PCDHGB5: variants seen among roughly 807,000 people sequenced by gnomAD.
PCDHGB5 encodes the protein protocadherin gamma subfamily B, 5, also known as protocadherin gamma-B5.
In PCDHGB5, 48 loss-of-function variants were observed where a neutral mutation model predicts 62.9. The observed-to-expected ratio is 0.76, with a 90% CI of 0.61 to 0.97. The LOEUF is 0.97. Among genes scored for constraint, PCDHGB5 ranks in the 50% least tolerant of loss-of-function variants. The probability of loss-of-function intolerance (pLI) is 0.00; values close to 1 mark genes in which losing one functional copy is unlikely to be tolerated. For synonymous variants in PCDHGB5, 474 were observed against 511.2 expected (o/e 0.93, Z 0.98); for missense variants, 1,118 against 1,198.6 (o/e 0.93, Z 0.99).
chr5:141,501,290 T>TACACATACACAC (rs1224133816), intron 2 of PCDHGB5, among the ~76,000 whole-genome samples: 9 of 136,158 alleles, frequency 6.6e-5, no homozygotes, highest in Admixed American at 1.6e-4. Context: ...TATTCCCTTA[T>TACACATACACAC]ACACACACAC....
At chr5:141,470,574 CA>C (rs1369567985) in intron 1 of PCDHGB5, among the ~76,000 whole-genome samples, 1 of 152,188 alleles carries the variant, frequency 6.6e-6, no homozygotes, top group Non-Finnish European at 1.5e-5. Flanking sequence ...CAAGCAGGAT[CA>C]ACTTCATAGG....
At chr5:141,483,772 G>C (rs2099586910) in intron 1 of PCDHGB5, among the ~76,000 whole-genome samples, 1 of 152,140 alleles carries the variant, frequency 6.6e-6, no homozygotes, top group Non-Finnish European at 1.5e-5. Flanking sequence ...AAAAATATTG[G>C]GGAAGGATAA....
intron 1 of PCDHGB5, among the ~76,000 whole-genome samples, chr5:141,472,688 A>G (rs970538300): frequency 2.0e-5 from 3 of 151,384 alleles, no homozygotes; most frequent in African/African-American, 7.3e-5. Context: ...CATTTCCCCT[A>G]GAAATAAGTG....
chr5:141,453,101 T>TTTTTGTTTTG (rs879618609), intron 1 of PCDHGB5, among the ~76,000 whole-genome samples: 1 of 152,012 alleles, frequency 6.6e-6, no homozygotes, highest in Non-Finnish European at 1.5e-5. Flanking sequence ...TTCTGTTGCT[T>TTTTTGTTTTG]TTTTGTTTTG....
chr5:141,413,170 A>G, intron 1 of PCDHGB5: 1 of 1,595,602 alleles, frequency 6.3e-7, no homozygotes, highest in Non-Finnish European at 8.5e-7. Flanking sequence ...CTGTAACCAG[A>G]CTACAATGGC....
chr5:141,432,281 A>C lies in PCDHGB5; in HGVS notation c.2397+31757A>C, dbSNP rs1313887209. 1 of 1,614,188 alleles carries C rather than the reference A, an allele frequency of 6.2e-7. No individual in the cohort carries two copies. The highest frequency in any genetic ancestry group is 1.1e-5 in the South Asian group (1 of 91,084). On this transcript the variant is annotated intron_variant, in intron 1 of 3. Coordinates refer to ENST00000617380, the MANE Select transcript of PCDHGB5 (RefSeq NM_018925.3). The surrounding 1 kb of genome is among the most constrained non-coding windows in gnomAD (Gnocchi z 6.0). The stretch of plus-strand genomic sequence containing the variant: ...AAGCCTATCGTCCTACGTGTCCATC[A>C]ACTCCGACACTGGGGTACTGTATGC...
At chr5:141,400,929 A>G (rs1179035412) in intron 1 of PCDHGB5, among the ~76,000 whole-genome samples, 2 of 152,214 alleles carry the variant, frequency 1.3e-5, no homozygotes, top group Non-Finnish European at 2.9e-5. Flanking sequence ...CTGCTAGTAG[A>G]TGTCTTTCTT....
At chr5:141,404,320 C>T (rs577477279) in intron 1 of PCDHGB5, 8 of 1,613,920 alleles carry the variant, frequency 5.0e-6, no homozygotes, top group Admixed American at 1.7e-5. Flanking sequence ...CTCAAGCCTC[C>T]TACTCAGTCT....
chr5:141,401,283 G>A (rs751622626), intron 1 of PCDHGB5, among the ~76,000 whole-genome samples: 2 of 152,044 alleles, frequency 1.3e-5, no homozygotes, highest in Non-Finnish European at 2.9e-5. Flanking sequence ...TGGAGGTTGC[G>A]GTGAGCCGAG....
At chr5:141,479,877 T>C (rs967661238) in intron 1 of PCDHGB5, among the ~76,000 whole-genome samples, 2 of 152,188 alleles carry the variant, frequency 1.3e-5, no homozygotes, top group African/African-American at 4.8e-5. Flanking sequence ...GAGAACCCTA[T>C]ACATACTCTC....
intron 1 of PCDHGB5, among the ~76,000 whole-genome samples, chr5:141,469,103 C>G (rs949254605): frequency 6.6e-6 from 1 of 151,844 alleles, no homozygotes; most frequent in Non-Finnish European, 1.5e-5. Flanking sequence ...AAAGCAAGAA[C>G]CTGTCTCTAA....
intron 1 of PCDHGB5, chr5:141,428,419 C>G: frequency 4.4e-6 from 2 of 451,920 alleles, no homozygotes; most frequent in Non-Finnish European, 4.1e-6. Flanking sequence ...TCACCCTGGT[C>G]TCTGTTCTAA....
Position 141,486,676 on chromosome 5 carries a change from T to A in PCDHGB5, c.2398-8131T>A, listed in dbSNP as rs375080564. On this transcript the variant is annotated intron_variant, in intron 1 of 3. Coordinates refer to ENST00000617380, the MANE Select transcript of PCDHGB5 (RefSeq NM_018925.3). This position sits in a 1 kb window ranked among gnomAD's most constrained non-coding sequence, Gnocchi z 5.0. ...CACTCCTGGAGCCCAGGAATCGAGA[T>A]GTATCAGCTTCCTCTTTCATCTCTC... 3 of 1,614,002 alleles carry A rather than the reference T, an allele frequency of 1.9e-6. No homozygotes were observed. The highest frequency in any genetic ancestry group is 2.5e-6 in the Non-Finnish European group (3 of 1,180,036).
At chr5:141,414,352 T>C in intron 1 of PCDHGB5, 8 of 1,613,968 alleles carry the variant, frequency 5.0e-6, no homozygotes, top group Non-Finnish European at 6.8e-6. Flanking sequence ...CATTTTGGCG[T>C]ATCTACCATT....
At position 141,476,716 on chromosome 5, in the gene PCDHGB5, C is replaced by G; in HGVS notation, c.2398-18091C>G. The G allele has an allele frequency of 6.2e-7, 1 of 1,614,148 alleles. No individual in the cohort carries two copies. On this transcript the variant is annotated intron_variant, in intron 1 of 3. Transcript: ENST00000617380. The surrounding 1 kb of genome is among the most constrained non-coding windows in gnomAD (Gnocchi z 7.6). The stretch of plus-strand genomic sequence containing the variant: ...AGTACGCGGAGCTGGTGTTGGAGCG[C>G]GCCCTGGACCGAGAACGGGAGCCTA...
intron 2 of PCDHGB5, among the ~76,000 whole-genome samples, chr5:141,502,537 G>A (rs900570745): frequency 2.0e-5 from 3 of 152,042 alleles, no homozygotes; most frequent in Admixed American, 6.6e-5. Context: ...GTTTGTTCGT[G>A]TGGTAAAAAC....
chr5:141,408,211 G>A (rs1285774248), intron 1 of PCDHGB5: 1 of 1,554,426 alleles, frequency 6.4e-7, no homozygotes, highest in South Asian at 1.2e-5. Flanking sequence ...CGATGGGAGG[G>A]AGCTGCGCGC....
chr5:141,406,555 A>G (rs2094824314), intron 1 of PCDHGB5, among the ~76,000 whole-genome samples: 1 of 152,224 alleles, frequency 6.6e-6, no homozygotes. Context: ...TCAGTTATCC[A>G]CTTCCAAACC....
chr5:141,418,151 G>T, intron 1 of PCDHGB5: 1 of 1,614,108 alleles, frequency 6.2e-7, no homozygotes, highest in Non-Finnish European at 8.5e-7. Flanking sequence ...AATATGCAAA[G>T]AGAGAAGAAG....
Sources: gnomAD v4.1 joint callset for allele counts (sites outside exome capture counted in the v4.1 genomes callset) on GRCh38, gnomAD v4.1.1 for gene constraint, Gnocchi (gnomAD v3.1) non-coding constraint, MANE v1.5 for transcripts, NCBI Gene and HGNC (gene_info 2026-07-23, HGNC 2026-07-21) for gene names.